The following CYP4F8 variants were observed in gnomAD, a reference collection of about 807,000 sequenced individuals.
CYP4F8 encodes cytochrome P450 4F8.
Under a neutral mutation model 55.0 loss-of-function variants are expected in CYP4F8, and 56 were observed. The observed-to-expected ratio is 1.02, with a 90% CI of 0.82 to 1.27. CYP4F8 has a LOEUF of 1.27. Among genes scored for constraint, CYP4F8 ranks in the 50% most tolerant of loss-of-function variants. CYP4F8 has a pLI of 0.00. For synonymous variants in CYP4F8, 288 were observed against 267.3 expected (o/e 1.08, Z -0.76); for missense variants, 680 against 682.4 (o/e 1.00, Z 0.04).
At chr19:15,620,151 G>A (rs1168815165) in intron 5 of CYP4F8, among the ~76,000 whole-genome samples, 1 of 152,202 alleles carries the variant, frequency 6.6e-6, no homozygotes, top group African/African-American at 2.4e-5. Context: ...TTCTGCATGT[G>A]GATAGGATCC....
chr19:15,615,632 C>T lies in CYP4F8; in HGVS notation c.16C>T (p.Leu6=), dbSNP rs1480674766. Residue 6 remains leucine, a synonymous_variant, in exon 2 of 13, where the codon CTG becomes TTG. Transcript: ENST00000612078. ...GCCCTGCAGGATGTCGCTGCTGAGCCTGTCTTGGCTGGGCCTCAGGCCGGT... is the reference window on the plus strand; with the variant it reads ...GCCCTGCAGGATGTCGCTGCTGAGCTTGTCTTGGCTGGGCCTCAGGCCGGT... MSLLS[L]SWLGLRPVAA... is the part of the protein sequence containing the mutation. The T allele has an allele frequency of 5.6e-6, 9 of 1,613,754 alleles. No individual in the cohort carries two copies. Among genetic ancestry groups the T allele is most frequent in the Non-Finnish European group, 6.8e-6 (8 of 1,179,868 alleles).
At chr19:15,622,443 T>TGA (rs757040443) in intron 6 of CYP4F8, 103 bp downstream of exon 6, 86 of 1,489,906 alleles carry the variant, frequency 5.8e-5, no homozygotes, top group Non-Finnish European at 1.7e-5. Flanking sequence ...GGAGAGATGA[T>TGA]GAGAACTAGG....
intron 7 of CYP4F8, 148 bp downstream of exon 7, chr19:15,623,523 G>C: frequency 3.8e-6 from 4 of 1,041,108 alleles, no homozygotes; most frequent in South Asian, 1.8e-5. Context: ...AATTTTAGAG[G>C]TGATTGCATA....
rs1193854958 is a variant in CYP4F8, at chr19:15,623,697, A to G, written c.919-2A>G. ...TAGTGTGATTGGGGTTCTTGTCTCC[A>G]GGATAAAAATGGTAAAGAGTTGTCA... is the stretch of plus-strand genomic sequence containing the variant. On this transcript the variant is annotated splice_acceptor_variant, in intron 7 of 12. Coordinates refer to ENST00000612078, the MANE Select transcript of CYP4F8 (RefSeq NM_007253.4). LOFTEE classifies it high-confidence loss of function. 1 of 1,614,134 alleles carries G rather than the reference A, an allele frequency of 6.2e-7. No individual in the cohort carries two copies. Among genetic ancestry groups the G allele is most frequent in the Admixed American group, 1.7e-5 (1 of 60,024 alleles).
intron 12 of CYP4F8, 115 bp from the exon 13 acceptor site, chr19:15,629,078 C>T (rs1361171085): frequency 7.1e-7 from 1 of 1,415,250 alleles, no homozygotes; most frequent in Non-Finnish European, 9.4e-7. Context: ...CCAGCTTCCC[C>T]CCTGTCTGCC....
At chr19:15,622,195 A>G in intron 5 of CYP4F8, 24 bp from the exon 6 acceptor site, 2 of 1,608,290 alleles carry the variant, frequency 1.2e-6, no homozygotes, top group Non-Finnish European at 1.7e-6. Context: ...GCCTGGCCCC[A>G]GCCCTGCTCC....
At chr19:15,617,737 G>A (rs1335205039) in intron 2 of CYP4F8, among the ~76,000 whole-genome samples, 1 of 152,174 alleles carries the variant, frequency 6.6e-6, no homozygotes, top group Admixed American at 6.5e-5. Context: ...AAGGGCAGGA[G>A]AAGATGGATG....
At chr19:15,620,923 G>C (rs1225713485) in intron 5 of CYP4F8, among the ~76,000 whole-genome samples, 1 of 152,094 alleles carries the variant, frequency 6.6e-6, no homozygotes, top group East Asian at 1.9e-4. Flanking sequence ...AAATTAGCTT[G>C]TTACTTTTGC....
chr19:15,615,978 C>T (rs1044684358), intron 2 of CYP4F8, among the ~76,000 whole-genome samples, 164 bp downstream of exon 2: 1 of 151,616 alleles, frequency 6.6e-6, no homozygotes, highest in Non-Finnish European at 1.5e-5. Context: ...CTCACTCATT[C>T]CTCTCCTCAC....
chr19:15,616,471 G>T (rs1348944909), intron 2 of CYP4F8, among the ~76,000 whole-genome samples: 1 of 152,150 alleles, frequency 6.6e-6, no homozygotes, highest in Non-Finnish European at 1.5e-5. Context: ...TACGCAGCAG[G>T]TATTCACCAT....
intron 1 of CYP4F8, 42 bp from the exon 2 acceptor site, chr19:15,615,574 C>T (rs960349137): frequency 5.0e-6 from 8 of 1,599,228 alleles, no homozygotes; most frequent in Admixed American, 1.8e-5. Context: ...AGCCCCTTTC[C>T]TAGGCCTCAG....
chr19:15,621,490 C>T (rs996101247), intron 5 of CYP4F8, among the ~76,000 whole-genome samples: 1 of 152,200 alleles, frequency 6.6e-6, no homozygotes, highest in African/African-American at 2.4e-5. Flanking sequence ...TGTGCCACTG[C>T]ACTCCAGCCT....
chr19:15,628,405 G>A lies in CYP4F8; in HGVS notation c.1219G>A (p.Val407Met), dbSNP rs1474032991. 2 of 1,614,120 alleles carry A rather than the reference G, an allele frequency of 1.2e-6. No homozygotes were observed. Among genetic ancestry groups the A allele is most frequent in the Admixed American group, 1.7e-5 (1 of 60,020 alleles). Residue 407 changes from valine (V) to methionine (M), a missense_variant, in exon 10 of 13, where the codon GTG (valine) becomes ATG (methionine). By Grantham distance (21) the Val-to-Met change is conservative. Coordinates refer to ENST00000612078, the MANE Select transcript of CYP4F8 (RefSeq NM_007253.4). ...CGCCCGCGGCTGCACCCAGGACGTG[G>A]TGCTCCCAGACAGCCGAGTCATCCC... ...TFARGCTQDV[V>M]LPDSRVIPKG...
intron 7 of CYP4F8, 82 bp downstream of exon 7, chr19:15,623,457 A>T: frequency 6.4e-7 from 1 of 1,572,894 alleles, no homozygotes; most frequent in Non-Finnish European, 8.6e-7. Context: ...GACTTGATAC[A>T]GAGGGCACTA....
At position 15,618,099 on chromosome 19, in the gene CYP4F8, A is replaced by G. The variant is rs1972146845; in HGVS notation, c.298A>G (p.Asn100Asp). 2.5e-6 allele frequency: 4 copies of G among 1,613,882 alleles called. No homozygotes were observed. The East Asian group carries it at 8.9e-5, about 36-fold the overall frequency. Reference protein sequence around the residue: ...RWLGPITPIINLCHPDIVRSV... With the variant: ...RWLGPITPIIDLCHPDIVRSV... Reference sequence around the variant, plus strand: ...GTTGGGCCCCATCACTCCCATCATCAACTTGTGCCACCCTGACATCGTCCG... The same window carrying G: ...GTTGGGCCCCATCACTCCCATCATCGACTTGTGCCACCCTGACATCGTCCG... Residue 100 changes from asparagine to aspartate, a missense_variant, in exon 3 of 13, where the codon AAC (asparagine) becomes GAC (aspartate). Physicochemically the swap from Asn to Asp is conservative, Grantham distance 23 (BLOSUM62 1). Coordinates refer to ENST00000612078, the MANE Select transcript of CYP4F8 (RefSeq NM_007253.4).
chr19:15,620,559 T>G (rs1972180957), intron 5 of CYP4F8, among the ~76,000 whole-genome samples: 1 of 152,030 alleles, frequency 6.6e-6, no homozygotes, highest in African/African-American at 2.4e-5. Flanking sequence ...CCCAACTAAT[T>G]TTTTGTATCT....
Position 15,624,815 on chromosome 19 carries a change from T to A in CYP4F8, c.1115+721T>A, listed in dbSNP as rs538567566. ...AAATGTGGGTAAAGTTGAGCACTGTTTTCACCTGCCGATGAGCCATCCATA... is the reference window on the plus strand; with the variant it reads ...AAATGTGGGTAAAGTTGAGCACTGTATTCACCTGCCGATGAGCCATCCATA... On this transcript the variant is annotated intron_variant, in intron 9 of 12. Coordinates refer to ENST00000612078, the MANE Select transcript of CYP4F8 (RefSeq NM_007253.4). Among the ~76,000 whole-genome samples, 5 of 152,386 alleles carry A rather than the reference T, an allele frequency of 3.3e-5. No individual in the cohort carries two copies. In the South Asian group the frequency reaches 1.0e-3, roughly 32 times the overall value.
chr19:15,629,219 T>C lies in CYP4F8; in HGVS notation c.1424T>C (p.Met475Thr). The C allele has an allele frequency of 2.5e-6, 4 of 1,612,142 alleles. No homozygotes were observed. The highest frequency in any genetic ancestry group is 8.5e-7 in the Non-Finnish European group (1 of 1,179,208). Residue 475 changes from methionine (M) to threonine (T), a missense_variant, in exon 13 of 13, where the codon ATG becomes ACG. Physicochemically the swap from Met to Thr is moderately conservative, Grantham distance 81. Coordinates refer to ENST00000612078, the MANE Select transcript of CYP4F8 (RefSeq NM_007253.4). ...PRNCIGQKFA[M>T]AEMKVVLALT... ...AACTGCATCGGGCAGAAGTTCGCGA[T>C]GGCAGAGATGAAGGTGGTCCTGGCG...
intron 3 of CYP4F8, 43 bp downstream of exon 3, chr19:15,618,187 G>A (rs1972148697): frequency 3.1e-6 from 5 of 1,613,636 alleles, no homozygotes; most frequent in Non-Finnish European, 4.2e-6. Flanking sequence ...GGAGAACATT[G>A]GAGGGCTTCT....
Sources: allele counts gnomAD v4.1 joint callset (sites outside exome capture counted in the v4.1 genomes callset), GRCh38; gene constraint gnomAD v4.1.1; transcripts MANE v1.5; gene names NCBI Gene and HGNC (gene_info 2026-07-23, HGNC 2026-07-21).